The following PTAFR variants were observed in gnomAD, a reference collection of about 807,000 sequenced individuals.
PTAFR encodes the protein platelet activating factor receptor, also known as platelet-activating factor receptor.
A neutral mutation model predicts 14.7 loss-of-function variants in PTAFR; 8 were observed. The ratio of observed to expected loss-of-function variants is 0.54; its 90% CI spans 0.32 to 0.98. The LOEUF is 0.98. Ranked by LOEUF, PTAFR falls within the 50% of genes least tolerant of loss-of-function variation. The pLI, the probability that PTAFR is intolerant of heterozygous loss-of-function variation, is 0.04. For missense variants in PTAFR, 337 were observed against 451.2 expected, an observed-to-expected ratio of 0.75 and a Z score of 2.29; for synonymous variants, 156 against 176.5, an observed-to-expected ratio of 0.88 and a Z score of 0.92.
chr1:28,193,139 T>C (rs1196791405), intron 1 of PTAFR, among the ~76,000 whole-genome samples: 3 of 152,014 alleles, frequency 2.0e-5, no homozygotes, highest in Admixed American at 6.6e-5. Context: ...GAAGGGGAGT[T>C]CTGTGATATG....
chr1:28,178,449 C>T (rs559223936), upstream of PTAFR, among the ~76,000 whole-genome samples: 5 of 151,810 alleles, frequency 3.3e-5, no homozygotes, highest in Middle Eastern at 6.8e-3. Flanking sequence ...TTAGTAGAGA[C>T]GGGGTTTCAC....
chr1:28,171,625 G>A (rs1442131100), intron 1 of PTAFR, among the ~76,000 whole-genome samples: 1 of 152,118 alleles, frequency 6.6e-6, no homozygotes, highest in Non-Finnish European at 1.5e-5. Context: ...CCCAGCGCAA[G>A]GGACCATGCA....
At chr1:28,173,789 G>A (rs1231910671) in intron 1 of PTAFR, among the ~76,000 whole-genome samples, 1 of 152,082 alleles carries the variant, frequency 6.6e-6, no homozygotes, top group African/African-American at 2.4e-5. Flanking sequence ...GGGGTGGGGA[G>A]GGGTGGCTGA....
At chr1:28,168,584 G>A (rs534406752) in intron 1 of PTAFR, among the ~76,000 whole-genome samples, 4 of 152,288 alleles carry the variant, frequency 2.6e-5, no homozygotes, top group South Asian at 4.1e-4. Context: ...AAAGTAGAAC[G>A]GTGGTTGCCA....
At chr1:28,192,761 C>T (rs1283472119) in intron 1 of PTAFR, among the ~76,000 whole-genome samples, 4 of 151,732 alleles carry the variant, frequency 2.6e-5, no homozygotes, top group African/African-American at 7.3e-5. Context: ...ATTCTCCTGC[C>T]TCAACCTCCC....
chr1:28,156,092 C>T (rs1359670612), intron 1 of PTAFR, among the ~76,000 whole-genome samples: 1 of 151,660 alleles, frequency 6.6e-6, no homozygotes. Flanking sequence ...TAAAACCCCA[C>T]CACTACTAAA....
At chr1:28,152,541 G>A (rs1035557357) in intron 1 of PTAFR, among the ~76,000 whole-genome samples, 2 of 151,652 alleles carry the variant, frequency 1.3e-5, no homozygotes, top group Non-Finnish European at 2.9e-5. Context: ...TCAGGAGTTC[G>A]AGACCAGCCT....
At chr1:28,155,668 C>A (rs765165320) in intron 1 of PTAFR, among the ~76,000 whole-genome samples, 1 of 152,070 alleles carries the variant, frequency 6.6e-6, no homozygotes, top group African/African-American at 2.4e-5. Flanking sequence ...GGTTTGAGAC[C>A]AGCCTGGTCA....
intron 1 of PTAFR, among the ~76,000 whole-genome samples, chr1:28,188,729 TA>T (rs1013350206): frequency 1.4e-4 from 21 of 149,834 alleles, no homozygotes; most frequent in African/African-American, 4.7e-4. Flanking sequence ...AAACTCCATC[TA>T]AAAAAAAACA....
At chr1:28,190,594 T>C (rs1444595124) in intron 1 of PTAFR, among the ~76,000 whole-genome samples, 3 of 152,258 alleles carry the variant, frequency 2.0e-5, no homozygotes, top group East Asian at 3.9e-4. Flanking sequence ...GGCTTGCCAT[T>C]AAGTCGTAGT....
chr1:28,178,331 G>C (rs1052678691), upstream of PTAFR, among the ~76,000 whole-genome samples: 3 of 151,922 alleles, frequency 2.0e-5, no homozygotes, highest in Non-Finnish European at 4.4e-5. Context: ...TGCAATCTCA[G>C]CTCACTGCAA....
At chr1:28,173,023 G>T (rs532153292) in intron 1 of PTAFR, among the ~76,000 whole-genome samples, 1 of 146,558 alleles carries the variant, frequency 6.8e-6, no homozygotes, top group African/African-American at 2.6e-5. Flanking sequence ...TAATCCCAGC[G>T]CTTTGGGAAG....
At chr1:28,152,773 A>AAAAAC (rs989358006) in intron 1 of PTAFR, among the ~76,000 whole-genome samples, 7 of 152,192 alleles carry the variant, frequency 4.6e-5, no homozygotes, top group East Asian at 3.9e-4. Context: ...AAATAATAAT[A>AAAAAC]AAAACAAAAC....
In PTAFR at chr1:28,185,033, A is replaced by G. The variant is rs573638587; in HGVS notation, c.-39+8689T>C. ...GTCTTTCCTCAAAAGCCACTTTCTC[A>G]GTGGGGCCTTTCCTGACCACCCTAA... On this transcript the variant is annotated intron_variant, in intron 1 of 1. Transcript: ENST00000305392. 1.4e-3 allele frequency among the ~76,000 whole-genome samples: 214 copies of G among 152,286 alleles called. 1 individual carries two copies. The highest frequency in any genetic ancestry group is 5.0e-3 in the African/African-American group (209 of 41,566).
upstream of PTAFR, among the ~76,000 whole-genome samples, chr1:28,180,243 G>T (rs912677526): frequency 6.6e-6 from 1 of 152,056 alleles, no homozygotes; most frequent in Non-Finnish European, 1.5e-5. Flanking sequence ...GGATGGACAT[G>T]GTGGCTCACG....
At chr1:28,181,794 T>G (rs1646564823) in intron 1 of PTAFR, among the ~76,000 whole-genome samples, 1 of 151,520 alleles carries the variant, frequency 6.6e-6, no homozygotes, top group Admixed American at 6.6e-5. Flanking sequence ...AAAAAAGATA[T>G]AGGGAGAAAC....
intron 1 of PTAFR, among the ~76,000 whole-genome samples, chr1:28,165,266 G>A (rs1215872827): frequency 1.3e-5 from 2 of 151,492 alleles, no homozygotes; most frequent in Non-Finnish European, 2.9e-5. Context: ...TTAGCTGGGC[G>A]TGGTGGCGCA....
intron 1 of PTAFR, among the ~76,000 whole-genome samples, chr1:28,157,650 G>A (rs575001607): frequency 5.8e-4 from 83 of 142,114 alleles, no homozygotes; most frequent in Non-Finnish European, 1.1e-3. Flanking sequence ...TTTTTTTGAG[G>A]TGGAGTCTCC....
upstream of PTAFR, among the ~76,000 whole-genome samples, chr1:28,178,725 C>T (rs1646538545): frequency 6.6e-6 from 1 of 151,954 alleles, no homozygotes; most frequent in African/African-American, 2.4e-5. Context: ...GCGAAGATGC[C>T]CACTCACACT....
Sources: allele counts gnomAD v4.1 joint callset (sites outside exome capture counted in the v4.1 genomes callset), GRCh38; gene constraint gnomAD v4.1.1; transcripts MANE v1.5; gene names NCBI Gene and HGNC (gene_info 2026-07-23, HGNC 2026-07-21).